The following PTPRM variants were observed in gnomAD, a reference collection of about 807,000 sequenced individuals.
PTPRM encodes the protein receptor-type tyrosine-protein phosphatase mu.
Under a neutral mutation model 186.7 loss-of-function variants are expected in PTPRM, and 47 were observed. The observed-to-expected ratio is 0.25, with a 90% CI of 0.20 to 0.32. The LOEUF (loss-of-function observed/expected upper bound fraction) is 0.32. PTPRM is among the 10% of genes least tolerant of loss of function. PTPRM has a pLI of 1.00. For synonymous variants in PTPRM, 668 were observed against 674.9 expected, an observed-to-expected ratio of 0.99 and a Z score of 0.16; for missense variants, 1,494 against 1,865.0, an observed-to-expected ratio of 0.80 and a Z score of 3.66.
rs190274939 is a variant in PTPRM at position 8,374,888 on chromosome 18, A to G, written c.3172-1158A>G. Among the ~76,000 whole-genome samples, 1,067 of 152,340 alleles carry G rather than the reference A, an allele frequency of 7.0e-3. 9 individuals carry two copies. The highest frequency in any genetic ancestry group is 0.024 in the African/African-American group (990 of 41,582). On this transcript the variant is annotated intron_variant, in intron 24 of 32. Coordinates refer to ENST00000580170, the MANE Select transcript of PTPRM (RefSeq NM_001105244.2). ...CTTCTTTGCTCACTAAGTATGTGTG[A>G]ACAATGATTGATGGTGAAAGTGATG... is the stretch of plus-strand genomic sequence containing the variant.
At chr18:7,672,658 G>C (rs1422351235) in intron 1 of PTPRM, among the ~76,000 whole-genome samples, 1 of 152,156 alleles carries the variant, frequency 6.6e-6, no homozygotes, top group Non-Finnish European at 1.5e-5. Context: ...TTTTCTCAAG[G>C]AGTCAGGCCT....
chr18:7,906,460 T>G, intron 3 of PTPRM, 45 bp from the exon 4 acceptor site: 1 of 1,476,076 alleles, frequency 6.8e-7, no homozygotes, highest in Non-Finnish European at 9.5e-7. Flanking sequence ...TTGGTAAAAG[T>G]AAGACAAAAT....
At chr18:7,707,105 T>C (rs1273277569) in intron 1 of PTPRM, among the ~76,000 whole-genome samples, 2 of 152,196 alleles carry the variant, frequency 1.3e-5, no homozygotes, top group African/African-American at 4.8e-5. Context: ...TTTTAAAACC[T>C]GCCTCATGTA....
chr18:8,224,751 A>T (rs1250419313), intron 14 of PTPRM, among the ~76,000 whole-genome samples: 1 of 152,178 alleles, frequency 6.6e-6, no homozygotes, highest in Non-Finnish European at 1.5e-5. Flanking sequence ...TAAACCCTTC[A>T]TCCTGTAGAA....
At chr18:8,227,489 A>T (rs1047198839) in intron 14 of PTPRM, among the ~76,000 whole-genome samples, 1 of 152,230 alleles carries the variant, frequency 6.6e-6, no homozygotes, top group African/African-American at 2.4e-5. Flanking sequence ...AATTCTGCAC[A>T]TCCAAGGGAT....
intron 2 of PTPRM, among the ~76,000 whole-genome samples, chr18:7,827,517 G>GCTTAT (rs2045548029): frequency 6.6e-6 from 1 of 152,126 alleles, no homozygotes; most frequent in Non-Finnish European, 1.5e-5. Flanking sequence ...AGGACTTAGG[G>GCTTAT]CTTATCTGTC....
chr18:8,364,503 A>C (rs2095616135), intron 23 of PTPRM, among the ~76,000 whole-genome samples: 1 of 152,168 alleles, frequency 6.6e-6, no homozygotes, highest in Non-Finnish European at 1.5e-5. Flanking sequence ...CCTCTAAACC[A>C]AAAGGTTTGG....
chr18:8,346,363 C>G (rs1180438132), intron 23 of PTPRM, among the ~76,000 whole-genome samples: 2 of 152,238 alleles, frequency 1.3e-5, no homozygotes, highest in African/African-American at 4.8e-5. Context: ...TGCAGGCCCT[C>G]CTCCTGGCTT....
intron 2 of PTPRM, among the ~76,000 whole-genome samples, chr18:7,776,162 T>C (rs2042569435): frequency 6.6e-6 from 1 of 152,282 alleles, no homozygotes. Context: ...GATTTATTCT[T>C]CTATTGATTA....
At chr18:7,851,791 A>T (rs894759) in intron 2 of PTPRM, among the ~76,000 whole-genome samples, 12,834 of 152,198 alleles carry the variant, frequency 0.084, 600 homozygotes, top group South Asian at 0.2. Context: ...GCTGGAGGTA[A>T]ATCTGAATAA....
In PTPRM at chr18:8,382,991, TA is replaced by T. The variant is rs2095746639; in HGVS notation, c.3919-1567del. Among the ~76,000 whole-genome samples, 6 of 152,182 alleles carry T rather than the reference TA, an allele frequency of 3.9e-5. No individual in the cohort carries two copies. In the South Asian group the frequency reaches 1.2e-3, roughly 32 times the overall value. ...TTCCATAGGCCACCTGTCCCTCAGC[TA>T]AATCAGAAAGATAAAAGTTAGATGC... On this transcript the variant is annotated intron_variant, in intron 29 of 32. Coordinates refer to ENST00000580170, the MANE Select transcript of PTPRM (RefSeq NM_001105244.2).
intron 6 of PTPRM, among the ~76,000 whole-genome samples, chr18:7,953,374 A>G (rs1172779929): frequency 6.6e-6 from 1 of 152,186 alleles, no homozygotes; most frequent in African/African-American, 2.4e-5. Context: ...AGGATGTACC[A>G]TAAAAGGCCC....
At chr18:7,735,567 A>G (rs1481789206) in intron 1 of PTPRM, among the ~76,000 whole-genome samples, 3 of 152,154 alleles carry the variant, frequency 2.0e-5, no homozygotes, top group Non-Finnish European at 4.4e-5. Flanking sequence ...ACCCTAAAAT[A>G]TGTCTCTAAA....
chr18:8,296,302 C>T, intron 19 of PTPRM, 66 bp from the exon 20 acceptor site: 2 of 995,120 alleles, frequency 2.0e-6, no homozygotes, highest in South Asian at 1.3e-5. Flanking sequence ...TAAGAACATC[C>T]TCCATCGTTA....
chr18:7,630,810 C>T (rs769053938), intron 1 of PTPRM, among the ~76,000 whole-genome samples: 29 of 152,150 alleles, frequency 1.9e-4, no homozygotes, highest in Admixed American at 1.7e-3. Context: ...TTGTTTTTCT[C>T]TCCTTGAGAT....
At chr18:8,120,705 A>G (rs1287751400) in intron 13 of PTPRM, among the ~76,000 whole-genome samples, 1 of 151,910 alleles carries the variant, frequency 6.6e-6, no homozygotes, top group African/African-American at 2.4e-5. Flanking sequence ...CATGTTATTC[A>G]TTTGATCTTA....
chr18:7,679,666 A>G (rs1206149615), intron 1 of PTPRM, among the ~76,000 whole-genome samples: 1 of 152,136 alleles, frequency 6.6e-6, no homozygotes, highest in Admixed American at 6.5e-5. Context: ...CTCTGTCTCA[A>G]AAACAAACAA....
At chr18:7,822,801 C>A (rs888748804) in intron 2 of PTPRM, among the ~76,000 whole-genome samples, 10 of 152,198 alleles carry the variant, frequency 6.6e-5, no homozygotes, top group African/African-American at 2.4e-4. Context: ...CTCATGGCTT[C>A]CCTGGTGTCA....
chr18:8,348,816 TA>T (rs2095519322), intron 23 of PTPRM, among the ~76,000 whole-genome samples: 1 of 152,246 alleles, frequency 6.6e-6, no homozygotes, highest in South Asian at 2.1e-4. Flanking sequence ...GACTGTTTAT[TA>T]AAAATCCAAA....
Sources: gnomAD v4.1 joint callset for allele counts (sites outside exome capture counted in the v4.1 genomes callset) on GRCh38, gnomAD v4.1.1 for gene constraint, MANE v1.5 for transcripts, NCBI Gene and HGNC (gene_info 2026-07-23, HGNC 2026-07-21) for gene names.